Variants in HSD17B12 observed in about 807,000 individuals in gnomAD.
The protein encoded by HSD17B12 is hydroxysteroid 17-beta dehydrogenase 12.
A neutral mutation model predicts 39.3 loss-of-function variants in HSD17B12; 32 were observed. The observed-to-expected ratio is 0.81, with a 90% CI of 0.61 to 1.09. HSD17B12 has a LOEUF of 1.09. HSD17B12 is among the 50% of genes least tolerant of loss of function. HSD17B12 has a pLI of 0.00. For missense variants in HSD17B12, 342 were observed against 382.9 expected (o/e 0.89, Z 0.89); for synonymous variants, 150 against 146.7 (o/e 1.02, Z -0.16).
rs117316990 is a variant in HSD17B12, at chr11:43,710,257, G to A, written c.160+29270G>A. On this transcript the variant is annotated intron_variant, in intron 1 of 10. Coordinates refer to ENST00000278353, the MANE Select transcript of HSD17B12 (RefSeq NM_016142.3). Reference sequence around the variant, plus strand: ...TATGTTTCCTTATCTTATTTTAATGGAGCGTATCTTCTGCAAACCTTTTTA... The same window carrying A: ...TATGTTTCCTTATCTTATTTTAATGAAGCGTATCTTCTGCAAACCTTTTTA... 4.5e-4 allele frequency among the ~76,000 whole-genome samples: 69 copies of A among 152,176 alleles called. 1 individual carries two copies. The East Asian group carries it at 0.012, about 27-fold the overall frequency.
chr11:43,648,264 C>G, the HSD17B12 span, among the ~76,000 whole-genome samples: 1 of 151,990 alleles, frequency 6.6e-6, no homozygotes, highest in African/African-American at 2.4e-5. Flanking sequence ...CAACTTAAAA[C>G]CATTTTCACC....
intron 1 of HSD17B12, among the ~76,000 whole-genome samples, chr11:43,739,821 A>G (rs1950348313): frequency 6.6e-6 from 1 of 152,196 alleles, no homozygotes; most frequent in Non-Finnish European, 1.5e-5. Context: ...TTTCAGCACA[A>G]CTGGGGCATG....
chr11:43,636,593 T>C, the HSD17B12 span, among the ~76,000 whole-genome samples: 1 of 152,142 alleles, frequency 6.6e-6, no homozygotes, highest in African/African-American at 2.4e-5. Flanking sequence ...AGATCTATTT[T>C]TTTTTTTTGC....
chr11:43,590,944 T>C, the HSD17B12 span, among the ~76,000 whole-genome samples: 5 of 152,098 alleles, frequency 3.3e-5, no homozygotes, highest in Admixed American at 3.3e-4. Flanking sequence ...ATTCTGTACT[T>C]TTCAGCTAAT....
the HSD17B12 span, chr11:43,559,559 G>A: frequency 2.6e-5 from 4 of 155,644 alleles, no homozygotes; most frequent in South Asian, 2.0e-4. Context: ...GAGAACCCAC[G>A]AGAGCCCACG....
chr11:43,820,427 G>A (rs953632316), intron 6 of HSD17B12, among the ~76,000 whole-genome samples: 1 of 152,186 alleles, frequency 6.6e-6, no homozygotes, highest in Non-Finnish European at 1.5e-5. Context: ...AATATATTTG[G>A]ATGAATTGCA....
rs555368762 is a variant in HSD17B12 at position 43,734,271 on chromosome 11, C to G, written c.161-16640C>G. ...GACTACGTGTCCTTGACACATCTGA[C>G]TTTCAGGAAGGAGTTCACAGAAGCC... On this transcript the variant is annotated intron_variant, in intron 1 of 10. Transcript: ENST00000278353. 1.4e-5 allele frequency: 18 copies of G among 1,294,678 alleles called. No individual in the cohort carries two copies. In the South Asian group the frequency reaches 2.0e-4, roughly 15 times the overall value. The allele number at this position is 1,294,678 out of a possible 1,614,324, so 80.2% of individuals were successfully genotyped here.
At chr11:43,566,393 C>T in the HSD17B12 span, among the ~76,000 whole-genome samples, 1 of 152,186 alleles carries the variant, frequency 6.6e-6, no homozygotes, top group Non-Finnish European at 1.5e-5. Flanking sequence ...AACACAGAGC[C>T]TCTTGGGTAC....
chr11:43,660,606 T>C, the HSD17B12 span, among the ~76,000 whole-genome samples: 2 of 152,252 alleles, frequency 1.3e-5, no homozygotes, highest in Non-Finnish European at 2.9e-5. Flanking sequence ...ACAGCCACTT[T>C]GGAAAACAGT....
At chr11:43,847,144 C>G (rs1951483962) in intron 9 of HSD17B12, among the ~76,000 whole-genome samples, 1 of 152,176 alleles carries the variant, frequency 6.6e-6, no homozygotes, top group African/African-American at 2.4e-5. Context: ...CATCCTGTTT[C>G]TCAAAGAGGT....
chr11:43,741,790 G>A (rs1302814758), intron 1 of HSD17B12, among the ~76,000 whole-genome samples: 2 of 142,284 alleles, frequency 1.4e-5, no homozygotes, highest in Non-Finnish European at 3.0e-5. Flanking sequence ...CTGGAATGCA[G>A]TGGCGCGACC....
chr11:43,571,004 G>A, the HSD17B12 span, among the ~76,000 whole-genome samples: 1 of 152,064 alleles, frequency 6.6e-6, no homozygotes, highest in Non-Finnish European at 1.5e-5. Context: ...ATGTCCCCCA[G>A]CCTATACTTA....
intron 1 of HSD17B12, among the ~76,000 whole-genome samples, chr11:43,696,155 A>G (rs1380159408): frequency 6.6e-6 from 1 of 152,174 alleles, no homozygotes; most frequent in Non-Finnish European, 1.5e-5. Flanking sequence ...AGTTCCATCC[A>G]TGTTCCTGCA....
At chr11:43,630,805 CTTTT>C in the HSD17B12 span, among the ~76,000 whole-genome samples, 3 of 137,986 alleles carry the variant, frequency 2.2e-5, no homozygotes, top group Non-Finnish European at 3.1e-5. Context: ...TTTTTTCTTT[CTTTT>C]TTTTTTTTTT....
intron 9 of HSD17B12, chr11:43,848,402 A>T (rs971718684): frequency 3.9e-5 from 6 of 152,126 alleles, no homozygotes; most frequent in Non-Finnish European, 8.8e-5. Context: ...TGTCCAGGAG[A>T]ACTAAGATAT....
intron 4 of HSD17B12, among the ~76,000 whole-genome samples, chr11:43,807,449 C>T (rs898502556): frequency 1.3e-5 from 2 of 152,108 alleles, no homozygotes; most frequent in Non-Finnish European, 2.9e-5. Context: ...CCCTGTGAAT[C>T]TGGAGCAAGG....
At chr11:43,844,556 C>T (rs1951457146) in intron 9 of HSD17B12, among the ~76,000 whole-genome samples, 1 of 148,722 alleles carries the variant, frequency 6.7e-6, no homozygotes, top group South Asian at 2.1e-4. Flanking sequence ...AATTAAAGTC[C>T]AGTCAAAAAA....
the HSD17B12 span, among the ~76,000 whole-genome samples, chr11:43,606,611 A>G: frequency 6.6e-6 from 1 of 152,222 alleles, no homozygotes; most frequent in Non-Finnish European, 1.5e-5. Flanking sequence ...TGATGACTGC[A>G]TTCACCCAGC....
upstream of HSD17B12, among the ~76,000 whole-genome samples, chr11:43,678,075 C>T (rs1949706907): frequency 1.3e-5 from 2 of 152,186 alleles, no homozygotes; most frequent in African/African-American, 4.8e-5. Flanking sequence ...CTTATTTCTC[C>T]ACATCCTCTC....
Sources: gnomAD v4.1 joint callset for allele counts (sites outside exome capture counted in the v4.1 genomes callset) on GRCh38, gnomAD v4.1.1 for gene constraint, MANE v1.5 for transcripts, NCBI Gene and HGNC (gene_info 2026-07-23, HGNC 2026-07-21) for gene names.